Variants in MYO6 observed in about 807,000 individuals in gnomAD.
The protein encoded by MYO6 is myosin VI, also known as unconventional myosin-VI.
A neutral mutation model predicts 178.7 loss-of-function variants in MYO6; 74 were observed. That is an observed-to-expected ratio of 0.41 (90% CI 0.34 to 0.50). The LOEUF (loss-of-function observed/expected upper bound fraction) is 0.50, where lower values mean the gene tolerates loss of function less well. MYO6 is among the 20% of genes least tolerant of loss of function. MYO6 has a pLI of 0.09. For missense variants in MYO6, 1,330 were observed against 1,547.4 expected, an observed-to-expected ratio of 0.86 and a Z score of 2.36; for synonymous variants, 477 against 504.6, an observed-to-expected ratio of 0.95 and a Z score of 0.73.
chr6:75,848,737 T>C (rs960550579), intron 11 of MYO6, among the ~76,000 whole-genome samples: 27 of 152,304 alleles, frequency 1.8e-4, no homozygotes, highest in African/African-American at 6.3e-4. Flanking sequence ...ATCAGTGATA[T>C]TGCTTAGGAA....
At chr6:75,801,380 A>G (rs1379827777) in intron 1 of MYO6, among the ~76,000 whole-genome samples, 1 of 152,024 alleles carries the variant, frequency 6.6e-6, no homozygotes, top group African/African-American at 2.4e-5. Context: ...TTGTTCTTGC[A>G]TGGCTTAAGA....
rs981947518 is a variant in MYO6, at chr6:75,917,880, T to C, written c.*2868T>C. 1 of 41,426 alleles carries C rather than the reference T, an allele frequency of 2.4e-5. No individual in the cohort carries two copies. Among genetic ancestry groups the C allele is most frequent in the African/African-American group, 4.2e-5 (1 of 23,710 alleles). 2.6% of individuals were successfully genotyped at this position (41,426 alleles called of 1,614,324 possible). On this transcript the variant is annotated 3_prime_UTR_variant, in exon 35 of 35. Coordinates refer to ENST00000369977, the MANE Select transcript of MYO6 (RefSeq NM_004999.4). The stretch of plus-strand genomic sequence containing the variant: ...CTCAGCGATCCAAATATGTAGATCA[T>C]TGGTTTTTTTTTTTACCTGAAGTAG...
In MYO6 at chr6:75,892,542, G is replaced by A. The variant is rs1451844395; in HGVS notation, c.2959G>A (p.Ala987Thr). 1.2e-6 allele frequency: 2 copies of A among 1,613,996 alleles called. No individual in the cohort carries two copies. The highest frequency in any genetic ancestry group is 1.7e-5 in the Admixed American group (1 of 60,026). Residue 987 changes from alanine to threonine, a missense_variant, in exon 28 of 35, where the codon GCA (alanine) becomes ACA (threonine). Physicochemically the swap from Ala to Thr is moderately conservative, Grantham distance 58. Around this residue, in one of 3 missense-constraint regions of MYO6, gnomAD observed 601 missense variants for 626.1 expected, o/e 0.96. Transcript: ENST00000369977. ...DEKRIQAEVE[A>T]QLARQKEEES... is the part of the protein sequence containing the mutation. ...CTGCCCTTGTCAGGCTGAAGTGGAG[G>A]CACAGCTGGCCCGACAGAAGGAGGA...
intron 1 of MYO6, among the ~76,000 whole-genome samples, chr6:75,808,816 A>G (rs1051908871): frequency 6.6e-6 from 1 of 152,200 alleles, no homozygotes; most frequent in Non-Finnish European, 1.5e-5. Flanking sequence ...GACATCAATT[A>G]ATTTCTGTAA....
In MYO6 at chr6:75,855,280, T is replaced by C; in HGVS notation, c.1220T>C (p.Ile407Thr). ...TTAGGTKGTV[I>T]KVPLKVEQAN... is the part of the protein sequence containing the mutation. ...GCAGGGGGCACCAAAGGAACAGTTA[T>C]AAAGTAAGTTCCTTAAGTAATTGCA... The change falls in exon 12 of 35, where the codon ATA becomes ACA. Residue 407 changes from isoleucine (I) to threonine (T), a missense_variant. Ile to Thr is a moderately conservative substitution (Grantham distance 89). Coordinates refer to ENST00000369977, the MANE Select transcript of MYO6 (RefSeq NM_004999.4). 6.2e-7 allele frequency: 1 copy of C among 1,613,340 alleles called. No individual in the cohort carries two copies.
chr6:75,904,083 C>G lies in MYO6; in HGVS notation c.3177-3522C>G, dbSNP rs1322750143. 5.3e-5 allele frequency among the ~76,000 whole-genome samples: 8 copies of G among 152,316 alleles called. No individual in the cohort carries two copies. In the East Asian group the frequency reaches 1.5e-3, roughly 29 times the overall value. On this transcript the variant is annotated intron_variant, in intron 30 of 34. Transcript: ENST00000369977. ...AACTCTCTTCTGGCTTGTAGAGTTT[C>G]TGCCAAGAGATCCACTGTTAGTCTG...
chr6:75,755,957 C>G (rs980056101), intron 1 of MYO6, among the ~76,000 whole-genome samples: 1 of 152,218 alleles, frequency 6.6e-6, no homozygotes, highest in Non-Finnish European at 1.5e-5. Flanking sequence ...TACTGCATGA[C>G]TTACTTGCTC....
intron 5 of MYO6, among the ~76,000 whole-genome samples, chr6:75,831,877 G>A: frequency 6.8e-6 from 1 of 147,272 alleles, no homozygotes; most frequent in Non-Finnish European, 1.5e-5. Context: ...GTGACAGAGA[G>A]ATACCCTGTC....
At chr6:75,756,521 TG>T (rs1265069093) in intron 1 of MYO6, among the ~76,000 whole-genome samples, 4 of 151,900 alleles carry the variant, frequency 2.6e-5, no homozygotes, top group Non-Finnish European at 5.9e-5. Context: ...GTAGTAGAGG[TG>T]GGGTTTCACC....
intron 30 of MYO6, 91 bp downstream of exon 30, chr6:75,898,502 T>G: frequency 9.7e-7 from 1 of 1,032,060 alleles, no homozygotes; most frequent in Middle Eastern, 2.0e-4. Flanking sequence ...ACCTGTTACA[T>G]GAGTAGCCTA....
chr6:75,859,514 A>G (rs775028990), intron 14 of MYO6, among the ~76,000 whole-genome samples: 6 of 151,456 alleles, frequency 4.0e-5, no homozygotes, highest in Non-Finnish European at 8.8e-5. Context: ...TGGCTAGGCT[A>G]GTCTCGAACT....
At chr6:75,766,065 G>A (rs1778390064) in intron 1 of MYO6, among the ~76,000 whole-genome samples, 1 of 152,184 alleles carries the variant, frequency 6.6e-6, no homozygotes, top group Admixed American at 6.5e-5. Flanking sequence ...GCTCACACCT[G>A]TAATCCCAGC....
At chr6:75,863,543 T>C (rs945093700) in intron 16 of MYO6, among the ~76,000 whole-genome samples, 5 of 151,878 alleles carry the variant, frequency 3.3e-5, no homozygotes, top group Non-Finnish European at 7.4e-5. Flanking sequence ...TGGAGTGCAA[T>C]GGTGCGATCT....
At position 75,886,912 on chromosome 6, in the gene MYO6, T is replaced by C; in HGVS notation, c.2576T>C (p.Val859Ala). Residue 859 changes from valine (V) to alanine (A), a missense_variant, in exon 25 of 35, where the codon GTG becomes GCG. Val to Ala is a moderately conservative substitution (Grantham distance 64). This residue lies in a region of MYO6 where 601 missense variants were observed against 626.1 expected (regional missense o/e 0.96). Coordinates refer to ENST00000369977, the MANE Select transcript of MYO6 (RefSeq NM_004999.4). ...RLDKFNEVVS[V>A]LKDGKPEMNK... ...GATAAATTTAATGAGGTAGTCAGTG[T>C]GTTGAAAGATGGAAAACCCGAGATG... The C allele has an allele frequency of 2.5e-6, 4 of 1,613,774 alleles. No individual in the cohort carries two copies. The South Asian group carries it at 3.3e-5, about 13-fold the overall frequency.
chr6:75,834,187 C>G lies in MYO6; in HGVS notation c.497+1240C>G, dbSNP rs559528468. 4.0e-5 allele frequency among the ~76,000 whole-genome samples: 6 copies of G among 149,984 alleles called. No homozygotes were observed. In the East Asian group the frequency reaches 1.2e-3, roughly 29 times the overall value. On this transcript the variant is annotated intron_variant, in intron 6 of 34. Coordinates refer to ENST00000369977, the MANE Select transcript of MYO6 (RefSeq NM_004999.4). ...CTCTTTGCTGCCATTAAATTAAACT[C>G]TCTGCATTGTGTTTTTTTGTTTGTT...
At chr6:75,857,330 T>C (rs1268782126) in intron 13 of MYO6, 76 bp downstream of exon 13, 1 of 1,443,574 alleles carries the variant, frequency 6.9e-7, no homozygotes, top group Non-Finnish European at 9.7e-7. Context: ...TTAAATCTTT[T>C]CTCCTTTGTA....
At chr6:75,851,895 C>G (rs980328736) in intron 11 of MYO6, among the ~76,000 whole-genome samples, 2 of 152,028 alleles carry the variant, frequency 1.3e-5, no homozygotes, top group African/African-American at 4.8e-5. Flanking sequence ...CCAATAAGCA[C>G]TTATAGGACT....
At chr6:75,879,750 G>T in intron 20 of MYO6, 70 bp from the exon 21 acceptor site, 1 of 1,609,314 alleles carries the variant, frequency 6.2e-7, no homozygotes, top group South Asian at 1.1e-5. Flanking sequence ...TTACAAAAAT[G>T]ATCATTCACA....
chr6:75,896,739 A>T (rs1464745370), intron 29 of MYO6, among the ~76,000 whole-genome samples: 1 of 152,208 alleles, frequency 6.6e-6, no homozygotes, highest in Admixed American at 6.5e-5. Context: ...AGCAGATGCC[A>T]GGAGTATACT....
Sources: allele counts gnomAD v4.1 joint callset (sites outside exome capture counted in the v4.1 genomes callset), GRCh38; gene constraint gnomAD v4.1.1; regional missense constraint gnomAD v4.1.1; transcripts MANE v1.5; gene names NCBI Gene and HGNC (gene_info 2026-07-23, HGNC 2026-07-21).